Variants in DCC observed in about 807,000 individuals in gnomAD.
DCC encodes the protein DCC netrin 1 receptor.
DCC carries 58 observed loss-of-function variants against 172.5 expected under a neutral mutation model. The ratio of observed to expected loss-of-function variants is 0.34; its 90% CI spans 0.27 to 0.42. The LOEUF is 0.42. Ranked by LOEUF, DCC falls within the 10% of genes least tolerant of loss-of-function variation. The probability of loss-of-function intolerance (pLI) is 1.00; values close to 1 mark genes in which losing one functional copy is unlikely to be tolerated. For missense variants in DCC, 1,740 were observed against 1,791.0 expected (o/e 0.97, Z 0.51); for synonymous variants, 709 against 644.5 (o/e 1.10, Z -1.52).
intron 1 of DCC, among the ~76,000 whole-genome samples, chr18:52,657,515 C>CTTGT (rs1364949426): frequency 6.6e-6 from 1 of 152,188 alleles, no homozygotes; most frequent in Non-Finnish European, 1.5e-5. Context: ...TCCAGCCATT[C>CTTGT]TTGTGGATCC....
chr18:53,297,244 C>T (rs1708995347), intron 12 of DCC, among the ~76,000 whole-genome samples: 1 of 152,178 alleles, frequency 6.6e-6, no homozygotes. Context: ...TTGAATTGGA[C>T]ATGACTATCC....
chr18:52,748,090 G>A (rs373881582), intron 1 of DCC, among the ~76,000 whole-genome samples: 23 of 152,294 alleles, frequency 1.5e-4, no homozygotes, highest in African/African-American at 4.6e-4. Context: ...ATGGAGCGGT[G>A]AGGGGTGTGT....
intron 12 of DCC, among the ~76,000 whole-genome samples, chr18:53,244,451 C>T (rs1183033676): frequency 6.6e-6 from 1 of 152,114 alleles, no homozygotes; most frequent in African/African-American, 2.4e-5. Flanking sequence ...TGGCTTAAAA[C>T]AATAACTTAT....
intron 21 of DCC, among the ~76,000 whole-genome samples, chr18:53,419,907 G>C (rs566295085): frequency 1.8e-3 from 279 of 151,894 alleles, no homozygotes; most frequent in African/African-American, 6.5e-3. Flanking sequence ...AGGCTGGAGT[G>C]CAATGGCACA....
At chr18:53,109,929 A>G (rs934443350) in intron 7 of DCC, among the ~76,000 whole-genome samples, 7 of 151,614 alleles carry the variant, frequency 4.6e-5, no homozygotes, top group African/African-American at 1.5e-4. Flanking sequence ...GAAAATCAGC[A>G]TTGAAAACTC....
rs549222532 is a variant in DCC, at chr18:52,421,288, C to A, written c.91+80410C>A. Reference sequence around the variant, plus strand: ...GTAGACCAGGTGTCTGATGCGCAATCAAGATATGAAGGGCTGATGGTGGGT... The same window carrying A: ...GTAGACCAGGTGTCTGATGCGCAATAAAGATATGAAGGGCTGATGGTGGGT... On this transcript the variant is annotated intron_variant, in intron 1 of 28. Coordinates refer to ENST00000442544, the MANE Select transcript of DCC (RefSeq NM_005215.4). 3.9e-5 allele frequency among the ~76,000 whole-genome samples: 6 copies of A among 152,254 alleles called. No homozygotes were observed. In the East Asian group the frequency reaches 1.2e-3, roughly 30 times the overall value.
At chr18:52,816,079 C>T (rs919406835) in intron 2 of DCC, among the ~76,000 whole-genome samples, 4 of 152,272 alleles carry the variant, frequency 2.6e-5, no homozygotes, top group African/African-American at 4.8e-5. Context: ...GTATCTGTTT[C>T]GGAAACTTCT....
At chr18:53,264,476 CAAAA>C (rs935972832) in intron 12 of DCC, among the ~76,000 whole-genome samples, 5 of 46,296 alleles carry the variant, frequency 1.1e-4, no homozygotes, top group East Asian at 1.1e-3. Context: ...AACTCCGTCT[CAAAA>C]AAAAAAAAAA....
At chr18:53,499,057 A>T (rs2144443453) in intron 26 of DCC, among the ~76,000 whole-genome samples, 1 of 152,292 alleles carries the variant, frequency 6.6e-6, no homozygotes, top group African/African-American at 2.4e-5. Context: ...AATATATTTT[A>T]CTATTCTTTC....
At chr18:52,575,876 T>G (rs570397107) in intron 1 of DCC, among the ~76,000 whole-genome samples, 1 of 152,236 alleles carries the variant, frequency 6.6e-6, no homozygotes, top group African/African-American at 2.4e-5. Flanking sequence ...TGAGGAAAGG[T>G]GCTAAGGTAG....
At chr18:53,460,254 T>C (rs1001219967) in intron 24 of DCC, among the ~76,000 whole-genome samples, 1 of 141,432 alleles carries the variant, frequency 7.1e-6, no homozygotes, top group African/African-American at 2.5e-5. Flanking sequence ...CATAATGTGA[T>C]TATAGAATGA....
intron 13 of DCC, among the ~76,000 whole-genome samples, chr18:53,316,911 CT>C (rs1378686767): frequency 2.0e-5 from 3 of 152,196 alleles, no homozygotes; most frequent in Non-Finnish European, 4.4e-5. Context: ...ATTTGACTTC[CT>C]TTCTTCCTAT....
chr18:52,862,643 A>G (rs2039161196), intron 2 of DCC, among the ~76,000 whole-genome samples: 1 of 152,140 alleles, frequency 6.6e-6, no homozygotes, highest in Non-Finnish European at 1.5e-5. Context: ...GGTTGCAGTG[A>G]GTTGAGATTG....
chr18:52,703,160 C>G (rs2036153437), intron 1 of DCC, among the ~76,000 whole-genome samples: 1 of 152,110 alleles, frequency 6.6e-6, no homozygotes, highest in Non-Finnish European at 1.5e-5. Flanking sequence ...TTTTTAAAAT[C>G]TTCTGAATTT....
intron 1 of DCC, among the ~76,000 whole-genome samples, chr18:52,664,130 G>A (rs1396960398): frequency 1.3e-5 from 2 of 152,162 alleles, no homozygotes; most frequent in African/African-American, 4.8e-5. Flanking sequence ...CATTTACTAT[G>A]GACATGTAAT....
intron 25 of DCC, among the ~76,000 whole-genome samples, chr18:53,468,367 A>ATTTATTTTAT (rs1568151593): frequency 7.7e-6 from 1 of 129,560 alleles, no homozygotes; most frequent in African/African-American, 2.8e-5. Flanking sequence ...TATTTATTTT[A>ATTTATTTTAT]TTTATTTATT....
intron 5 of DCC, among the ~76,000 whole-genome samples, chr18:53,052,417 C>A (rs1189674646): frequency 6.6e-6 from 1 of 151,906 alleles, no homozygotes; most frequent in Non-Finnish European, 1.5e-5. Flanking sequence ...TTCTTTCACT[C>A]TTTTGCATTA....
intron 25 of DCC, 77 bp downstream of exon 25, chr18:53,468,087 C>G (rs2045645319): frequency 1.2e-6 from 1 of 814,078 alleles, no homozygotes. Flanking sequence ...ATCAAATTAT[C>G]AAAAGTAATT....
In DCC at chr18:53,071,867, G is replaced by A. The variant is rs930217986; in HGVS notation, c.1261+5701G>A. Among the ~76,000 whole-genome samples, 10 of 152,266 alleles carry A rather than the reference G, an allele frequency of 6.6e-5. No individual in the cohort carries two copies. The South Asian group carries it at 1.0e-3, about 16-fold the overall frequency. ...GTTAGGACTGGGTGCAGTGGCTCAC[G>A]CCTGTAATCCCAGCACCTTGGGAGG... is the stretch of plus-strand genomic sequence containing the variant. On this transcript the variant is annotated intron_variant, in intron 7 of 28. Coordinates refer to ENST00000442544, the MANE Select transcript of DCC (RefSeq NM_005215.4).
Sources: gnomAD v4.1 joint callset for allele counts (sites outside exome capture counted in the v4.1 genomes callset) on GRCh38, gnomAD v4.1.1 for gene constraint, MANE v1.5 for transcripts, NCBI Gene and HGNC (gene_info 2026-07-23, HGNC 2026-07-21) for gene names.